Variants in CPED1 observed in about 807,000 individuals in gnomAD.
CPED1 encodes the protein cadherin like and PC-esterase domain containing 1.
CPED1 carries 114 observed loss-of-function variants against 128.2 expected under a neutral mutation model. The ratio of observed to expected loss-of-function variants is 0.89; its 90% confidence interval spans 0.76 to 1.04. The LOEUF (loss-of-function observed/expected upper bound fraction) is 1.04, where lower values mean the gene tolerates loss of function less well. Among genes scored for constraint, CPED1 ranks in the 50% least tolerant of loss-of-function variants. The pLI is 0.00. For missense variants in CPED1, 1,211 were observed against 1,207.1 expected, an observed-to-expected ratio of 1.00 and a Z score of -0.05; for synonymous variants, 462 against 426.7, an observed-to-expected ratio of 1.08 and a Z score of -1.02.
At chr7:121,064,900 T>C (rs1390568385) in intron 5 of CPED1, among the ~76,000 whole-genome samples, 1 of 152,136 alleles carries the variant, frequency 6.6e-6, no homozygotes, top group Non-Finnish European at 1.5e-5. Context: ...ATAGAAAAAA[T>C]GATGGCCTAC....
chr7:121,040,268 T>C (rs1354586307), intron 3 of CPED1, among the ~76,000 whole-genome samples: 2 of 152,136 alleles, frequency 1.3e-5, no homozygotes, highest in Non-Finnish European at 2.9e-5. Flanking sequence ...TAAATTTAAT[T>C]CTGAAAATTA....
intron 5 of CPED1, among the ~76,000 whole-genome samples, chr7:121,066,701 CTTTT>C (rs1186471613): frequency 5.9e-5 from 9 of 152,038 alleles, no homozygotes; most frequent in Non-Finnish European, 1.3e-4. Context: ...AGACCAGTGA[CTTTT>C]TTATTTATAG....
intron 2 of CPED1, 44 bp from the exon 3 acceptor site, chr7:121,015,621 T>G: frequency 6.5e-7 from 1 of 1,528,198 alleles, no homozygotes; most frequent in Non-Finnish European, 8.9e-7. Flanking sequence ...TCAAGGGAAA[T>G]GTACTACTTT....
chr7:121,181,242 A>G (rs1204609323), intron 16 of CPED1, among the ~76,000 whole-genome samples: 3 of 152,108 alleles, frequency 2.0e-5, no homozygotes, highest in Non-Finnish European at 4.4e-5. Context: ...ATGCAAGTAT[A>G]TTCTTCAGAC....
chr7:121,008,705 A>G (rs1713560694), intron 2 of CPED1, among the ~76,000 whole-genome samples: 1 of 152,164 alleles, frequency 6.6e-6, no homozygotes, highest in African/African-American at 2.4e-5. Flanking sequence ...CAGAACTCTT[A>G]TCTCCATAGG....
intron 16 of CPED1, among the ~76,000 whole-genome samples, chr7:121,199,697 A>AAAGAAAGAAAGAAAG (rs3068077): frequency 4.8e-5 from 2 of 41,764 alleles, no homozygotes; most frequent in African/African-American, 9.5e-5. Flanking sequence ...AAAAAAAAAA[A>AAAGAAAGAAAGAAAG]AAAGAAAGAA....
In CPED1 at chr7:121,296,679, TATTTTA is replaced by T. The variant is rs1193251490; in HGVS notation, c.*1031_*1036del. 2 of 152,136 alleles carry T rather than the reference TATTTTA, an allele frequency of 1.3e-5. No homozygotes were observed. Among genetic ancestry groups the T allele is most frequent in the African/African-American group, 4.8e-5 (2 of 41,458 alleles). 9.4% of individuals were successfully genotyped at this position (152,136 alleles called of 1,614,324 possible). A position where few individuals can be genotyped will look rare whatever the true frequency, so the allele number is the denominator to read the frequency against. ...AAATTTAGATTAGACAAAAAATTAT[TATTTTA>T]ATTAAACTGTGGCATACATATAATA... On this transcript the variant is annotated 3_prime_UTR_variant, in exon 23 of 23. Coordinates refer to ENST00000310396, the MANE Select transcript of CPED1 (RefSeq NM_024913.5).
chr7:121,015,622 GTAC>G (rs1562992773), intron 2 of CPED1, 40 bp from the exon 3 acceptor site: 1 of 1,529,534 alleles, frequency 6.5e-7, no homozygotes, highest in East Asian at 2.4e-5. Flanking sequence ...CAAGGGAAAT[GTAC>G]TACTTTTTTA....
Position 121,134,561 on chromosome 7 carries a change from T to G in CPED1, c.1648+668T>G, listed in dbSNP as rs768665097. Among the ~76,000 whole-genome samples the G allele has an allele frequency of 4.6e-5, 7 of 152,064 alleles. No individual in the cohort carries two copies. The South Asian group carries it at 1.4e-3, about 31-fold the overall frequency. ...GATGACTATTGTTAACCAATATATA[T>G]GTTTAAATAGCTGGAAGAGAGGATT... On this transcript the variant is annotated intron_variant, in intron 13 of 22. Coordinates refer to ENST00000310396, the MANE Select transcript of CPED1 (RefSeq NM_024913.5).
intron 18 of CPED1, among the ~76,000 whole-genome samples, chr7:121,264,837 T>C (rs1792090685): frequency 1.3e-5 from 2 of 152,094 alleles, no homozygotes; most frequent in African/African-American, 4.8e-5. Context: ...GACTTTCAAG[T>C]CACTATTTAT....
chr7:121,060,028 C>G (rs996335814), intron 4 of CPED1, among the ~76,000 whole-genome samples: 2 of 146,110 alleles, frequency 1.4e-5, no homozygotes, highest in South Asian at 2.1e-4. Context: ...AGCTGGAGTT[C>G]CGGGTGGGCG....
intron 7 of CPED1, among the ~76,000 whole-genome samples, chr7:121,113,530 A>G (rs1795163723): frequency 6.6e-6 from 1 of 152,206 alleles, no homozygotes; most frequent in Admixed American, 6.5e-5. Context: ...TTGCCAAGAC[A>G]GCATGAATCA....
rs1206892742 is a variant in CPED1 at position 121,117,241 on chromosome 7, CAGATGA to C, written c.919-7089_919-7084del. Reference sequence around the variant, plus strand: ...TCAGCCTCCCGAGTAGCTGGGATTACAGATGAGTACCACCATGCCGGGCTACTTTTT... The same window carrying C: ...TCAGCCTCCCGAGTAGCTGGGATTACGTACCACCATGCCGGGCTACTTTTT... On this transcript the variant is annotated intron_variant, in intron 7 of 22. Transcript: ENST00000310396. Among the ~76,000 whole-genome samples, 464 of 151,520 alleles carry C rather than the reference CAGATGA, an allele frequency of 3.1e-3. 2 individuals carry two copies. Among genetic ancestry groups the C allele is most frequent in the Non-Finnish European group, 4.8e-3 (327 of 67,860 alleles).
intron 16 of CPED1, among the ~76,000 whole-genome samples, chr7:121,228,711 T>G (rs1368822436): frequency 6.6e-6 from 1 of 151,996 alleles, no homozygotes; most frequent in African/African-American, 2.4e-5. Flanking sequence ...TGCAGCACTA[T>G]TCACAATAGC....
At chr7:121,029,369 G>C (rs1792674643) in intron 3 of CPED1, among the ~76,000 whole-genome samples, 2 of 152,274 alleles carry the variant, frequency 1.3e-5, no homozygotes, top group Admixed American at 6.5e-5. Context: ...CAATAAGTGA[G>C]GCTGTTTTAA....
chr7:121,223,396 A>G (rs1797930783), intron 16 of CPED1, among the ~76,000 whole-genome samples: 1 of 152,176 alleles, frequency 6.6e-6, no homozygotes, highest in African/African-American at 2.4e-5. Flanking sequence ...GATGTTCATC[A>G]TGGATATTGG....
chr7:121,015,553 A>G, intron 2 of CPED1, 112 bp from the exon 3 acceptor site: 2 of 963,404 alleles, frequency 2.1e-6, no homozygotes, highest in Non-Finnish European at 3.0e-6. Flanking sequence ...TTTCACTTCT[A>G]GAGAAAAACT....
intron 16 of CPED1, among the ~76,000 whole-genome samples, chr7:121,236,286 C>T (rs1213031039): frequency 6.6e-6 from 1 of 152,038 alleles, no homozygotes; most frequent in East Asian, 1.9e-4. Context: ...CATCTGATTC[C>T]ACTCTGGTGT....
intron 4 of CPED1, among the ~76,000 whole-genome samples, chr7:121,063,728 C>A (rs1161353202): frequency 6.6e-6 from 1 of 152,072 alleles, no homozygotes; most frequent in Non-Finnish European, 1.5e-5. Context: ...CTTTTATAAT[C>A]TTTTCAAACT....
Sources: allele counts gnomAD v4.1 joint callset (sites outside exome capture counted in the v4.1 genomes callset), GRCh38; gene constraint gnomAD v4.1.1; transcripts MANE v1.5; gene names NCBI Gene and HGNC (gene_info 2026-07-23, HGNC 2026-07-21).